Variants in HMGB1 observed in about 807,000 individuals in gnomAD.
HMGB1 encodes the protein high mobility group box 1, also known as high mobility group protein B1.
For synonymous variants in HMGB1, 81 were observed against 84.0 expected (o/e 0.96, Z 0.19); for missense variants, 79 against 253.5 (o/e 0.31, Z 4.67).
chr13:30,532,139 C>G (rs1424961615), intron 1 of HMGB1, among the ~76,000 whole-genome samples: 1 of 151,868 alleles, frequency 6.6e-6, no homozygotes, highest in African/African-American at 2.4e-5. Context: ...GAGTTCGACA[C>G]CAGCCTGATC....
chr13:30,571,493 A>G (rs1296804246), intron 1 of HMGB1, among the ~76,000 whole-genome samples: 1 of 151,960 alleles, frequency 6.6e-6, no homozygotes, highest in Non-Finnish European at 1.5e-5. Context: ...ACGGGGTTTC[A>G]CCATGCTGGC....
chr13:30,564,337 C>T (rs575904365), intron 1 of HMGB1, among the ~76,000 whole-genome samples: 56 of 151,654 alleles, frequency 3.7e-4, no homozygotes, highest in Non-Finnish European at 7.7e-4. Context: ...CCTGCAGTCC[C>T]AGCTACTCGG....
At chr13:30,602,594 T>A (rs1950413875) in intron 1 of HMGB1, among the ~76,000 whole-genome samples, 1 of 152,228 alleles carries the variant, frequency 6.6e-6, no homozygotes, top group Non-Finnish European at 1.5e-5. Context: ...TTATAATGCA[T>A]AAAAATTAAA....
intron 1 of HMGB1, among the ~76,000 whole-genome samples, chr13:30,497,320 G>A (rs1342811190): frequency 1.3e-5 from 2 of 152,036 alleles, no homozygotes; most frequent in African/African-American, 4.8e-5. Flanking sequence ...TCCGCCTTCC[G>A]GGTTCAAGCG....
At chr13:30,600,765 A>C (rs554183171) in intron 1 of HMGB1, among the ~76,000 whole-genome samples, 6 of 152,112 alleles carry the variant, frequency 3.9e-5, no homozygotes, top group Non-Finnish European at 7.4e-5. Context: ...ATCTGAAAAA[A>C]CCCAAATCTG....
chr13:30,566,177 T>C (rs998703645), intron 1 of HMGB1, among the ~76,000 whole-genome samples: 4 of 152,202 alleles, frequency 2.6e-5, no homozygotes, highest in Non-Finnish European at 5.9e-5. Flanking sequence ...GGTTTTGCCA[T>C]TAATATTTGA....
At chr13:30,603,070 G>A (rs1950419071) in intron 1 of HMGB1, among the ~76,000 whole-genome samples, 1 of 152,196 alleles carries the variant, frequency 6.6e-6, no homozygotes, top group Non-Finnish European at 1.5e-5. Flanking sequence ...GCCTCTCCAA[G>A]TGTTAGGATT....
At chr13:30,600,667 C>T (rs1950389767) in intron 1 of HMGB1, among the ~76,000 whole-genome samples, 2 of 152,030 alleles carry the variant, frequency 1.3e-5, no homozygotes, top group South Asian at 2.1e-4. Flanking sequence ...AGTGCAATGG[C>T]GCAATCCTGA....
intron 1 of HMGB1, among the ~76,000 whole-genome samples, chr13:30,609,472 A>C (rs910279165): frequency 6.6e-6 from 1 of 152,198 alleles, no homozygotes; most frequent in Non-Finnish European, 1.5e-5. Flanking sequence ...GTCCACTTAT[A>C]AAATGGATTT....
chr13:30,546,930 T>C (rs74663399), intron 1 of HMGB1, among the ~76,000 whole-genome samples: 16 of 152,350 alleles, frequency 1.1e-4, no homozygotes, highest in Admixed American at 3.3e-4. Flanking sequence ...TTTGTAGGTG[T>C]AGGTTTCATG....
chr13:30,598,050 T>C lies in HMGB1; in HGVS notation c.-15+18621A>G, dbSNP rs367791262. 9.2e-5 allele frequency among the ~76,000 whole-genome samples: 14 copies of C among 152,350 alleles called. No individual in the cohort carries two copies. The East Asian group carries it at 2.1e-3, about 23-fold the overall frequency. On this transcript the variant is annotated intron_variant, in intron 1 of 4. Transcript: ENST00000405805. ...AATTGGCTAGAAGTTAGCAACTTTT[T>C]ACATTTTTCCTTCAATTCCTTTCCA... is the stretch of plus-strand genomic sequence containing the variant.
In HMGB1 at chr13:30,472,639, C is replaced by A. The variant is rs1180389595; in HGVS notation, c.-14-8945G>T. ...ACAATACAGAAAACAACAACAACAA[C>A]AAAAATGCAGACTGGGAGCTGTAAG... On this transcript the variant is annotated intron_variant, in intron 1 of 4. Coordinates refer to the HMGB1 transcript ENST00000405805. Among the ~76,000 whole-genome samples, 4 of 138,102 alleles carry A rather than the reference C, an allele frequency of 2.9e-5. No homozygotes were observed. The Admixed American group carries it at 2.9e-4, about 10-fold the overall frequency. The allele number at this position is 138,102 out of a possible 152,430, so 90.6% of individuals were successfully genotyped here.
chr13:30,465,750 A>G (rs2137412148), intron 1 of HMGB1, 46 bp downstream of exon 1: 1 of 969,364 alleles, frequency 1.0e-6, no homozygotes, highest in Non-Finnish European at 1.2e-6. Context: ...CGGGCTGGGG[A>G]GCTGCCGGAG....
chr13:30,586,724 A>ATCTG (rs1441511405), intron 1 of HMGB1, among the ~76,000 whole-genome samples: 1 of 151,858 alleles, frequency 6.6e-6, no homozygotes, highest in Non-Finnish European at 1.5e-5. Context: ...ACCTCAGGTG[A>ATCTG]TCTGCCCACC....
At chr13:30,602,050 G>GCC (rs1201368849) in intron 1 of HMGB1, among the ~76,000 whole-genome samples, 1 of 152,172 alleles carries the variant, frequency 6.6e-6, no homozygotes, top group Admixed American at 6.5e-5. Context: ...ACATGTACGA[G>GCC]CGTACAAGCC....
At chr13:30,497,637 C>A (rs112612237) in intron 1 of HMGB1, among the ~76,000 whole-genome samples, 6,715 of 152,132 alleles carry the variant, frequency 0.044, 294 homozygotes, top group African/African-American at 0.11. Context: ...CCCAGTGTCT[C>A]TTGTTCCCCT....
chr13:30,499,131 T>G (rs1887680612), intron 1 of HMGB1, among the ~76,000 whole-genome samples: 1 of 152,086 alleles, frequency 6.6e-6, no homozygotes, highest in Non-Finnish European at 1.5e-5. Context: ...TTTTATATTT[T>G]TAGTAGAGAC....
chr13:30,462,646 G>A lies in HMGB1; in HGVS notation c.363C>T (p.Ser121=), dbSNP rs1886428152. 6.2e-7 allele frequency: 1 copy of A among 1,610,714 alleles called. No individual in the cohort carries two copies. Among genetic ancestry groups the A allele is most frequent in the African/African-American group, 1.3e-5 (1 of 74,772 alleles). The change falls in exon 4 of 5, where the codon TCC becomes TCT. Residue 121 remains serine, a synonymous_variant. Coordinates refer to ENST00000341423, the MANE Select transcript of HMGB1 (RefSeq NM_002128.7). ...CCAGTTTCTTCGCAACATCACCAAT[G>A]GACAGGCCAGGATGTTCTCCTTTGA... is the stretch of plus-strand genomic sequence containing the variant. ...PKIKGEHPGL[S]IGDVAKKLGE... is the part of the protein sequence containing the mutation.
intron 1 of HMGB1, among the ~76,000 whole-genome samples, chr13:30,532,164 C>T (rs543126030): frequency 2.0e-5 from 3 of 151,686 alleles, no homozygotes; most frequent in East Asian, 3.9e-4. Flanking sequence ...TGGTGAAACC[C>T]GTCTCTACTA....
Sources: allele counts gnomAD v4.1 joint callset (sites outside exome capture counted in the v4.1 genomes callset), GRCh38; gene constraint gnomAD v4.1.1; transcripts MANE v1.5; gene names NCBI Gene and HGNC (gene_info 2026-07-23, HGNC 2026-07-21).